Variants in RFTN1 observed in about 807,000 individuals in gnomAD.
RFTN1 encodes raftlin.
In RFTN1, 26 loss-of-function variants were observed where a neutral mutation model predicts 46.5. The observed-to-expected ratio is 0.56, with a 90% CI of 0.41 to 0.78. The LOEUF (loss-of-function observed/expected upper bound fraction) is 0.78. RFTN1 is among the 30% of genes least tolerant of loss of function. The pLI, the probability that RFTN1 is intolerant of heterozygous loss-of-function variation, is 0.00. For missense variants in RFTN1, 693 were observed against 718.7 expected (o/e 0.96, Z 0.41); for synonymous variants, 261 against 284.2 (o/e 0.92, Z 0.82).
Position 16,479,377 on chromosome 3 carries a change from G to A in RFTN1, c.145+14348C>T, listed in dbSNP as rs1668629139. On this transcript the variant is annotated intron_variant, in intron 2 of 9. Coordinates refer to ENST00000334133, the MANE Select transcript of RFTN1 (RefSeq NM_015150.2). The surrounding 1 kb of genome is among the most constrained non-coding windows in gnomAD (Gnocchi z 5.1). ...TAAGAAACTACTTATAGACATGAGAGTAAGTTTTTGTTTTCATTTACAGTC... is the reference window on the plus strand; with the variant it reads ...TAAGAAACTACTTATAGACATGAGAATAAGTTTTTGTTTTCATTTACAGTC... 6.6e-6 allele frequency among the ~76,000 whole-genome samples: 1 copy of A among 152,208 alleles called. No individual in the cohort carries two copies. Among genetic ancestry groups the A allele is most frequent in the Non-Finnish European group, 1.5e-5 (1 of 68,044 alleles).
chr3:16,476,547 AAAG>A (rs1189470658), intron 2 of RFTN1, among the ~76,000 whole-genome samples: 7 of 152,190 alleles, frequency 4.6e-5, no homozygotes, highest in Non-Finnish European at 1.0e-4. Flanking sequence ...CAAGGTGGTA[AAAG>A]AAGGCCTCTC....
intron 4 of RFTN1, among the ~76,000 whole-genome samples, chr3:16,393,113 A>G (rs1192256335): frequency 1.3e-5 from 2 of 152,176 alleles, no homozygotes; most frequent in Non-Finnish European, 2.9e-5. Context: ...ATAAGTAAAA[A>G]CAGTAACGTG....
chr3:16,344,294 C>CA lies in RFTN1; in HGVS notation c.1146+13637dup, dbSNP rs2125297999. On this transcript the variant is annotated intron_variant, in intron 7 of 9. Coordinates refer to ENST00000334133, the MANE Select transcript of RFTN1 (RefSeq NM_015150.2). The surrounding 1 kb of genome is among the most constrained non-coding windows in gnomAD (Gnocchi z 4.4). ...GTTTAAGAAGTCAGGGAAACCTACT[C>CA]AAAAAAGAAAGTGGATTAGATCAGT... is the stretch of plus-strand genomic sequence containing the variant. 6.7e-6 allele frequency among the ~76,000 whole-genome samples: 1 copy of CA among 149,656 alleles called. No homozygotes were observed. Among genetic ancestry groups the CA allele is most frequent in the Non-Finnish European group, 1.5e-5 (1 of 67,602 alleles).
intron 4 of RFTN1, among the ~76,000 whole-genome samples, chr3:16,398,761 C>G (rs1159073719): frequency 6.6e-6 from 1 of 152,172 alleles, no homozygotes; most frequent in African/African-American, 2.4e-5. Flanking sequence ...CCCTGGGTGG[C>G]TGGAAAGTCA....
At position 16,449,402 on chromosome 3, in the gene RFTN1, T is replaced by C. The variant is rs994820192; in HGVS notation, c.146-15365A>G. ...CATATGACTTTGGGTGAATTACGAA[T>C]GCTTATGGGCCTCAATTTTTGTCTA... On this transcript the variant is annotated intron_variant, in intron 2 of 9. Coordinates refer to ENST00000334133, the MANE Select transcript of RFTN1 (RefSeq NM_015150.2). The surrounding 1 kb of genome is among the most constrained non-coding windows in gnomAD (Gnocchi z 5.1). Among the ~76,000 whole-genome samples, 3 of 152,182 alleles carry C rather than the reference T, an allele frequency of 2.0e-5. No individual in the cohort carries two copies. Among genetic ancestry groups the C allele is most frequent in the African/African-American group, 7.2e-5 (3 of 41,434 alleles).
chr3:16,486,554 C>G (rs968926982), intron 2 of RFTN1, among the ~76,000 whole-genome samples: 2 of 152,236 alleles, frequency 1.3e-5, no homozygotes, highest in Admixed American at 6.5e-5. Context: ...CTTCCACCCT[C>G]TTCTCCCATC....
At position 16,402,277 on chromosome 3, in the gene RFTN1, T is replaced by C. The variant is rs1015844914; in HGVS notation, c.441+7098A>G. Among the ~76,000 whole-genome samples, 27 of 152,322 alleles carry C rather than the reference T, an allele frequency of 1.8e-4. 1 individual carries two copies. Among genetic ancestry groups the C allele is most frequent in the Admixed American group, 1.8e-3 (27 of 15,300 alleles). ...AATGTATCCATTAACTCGACGCTTA[T>C]GTATTAAGTCCTGAAGACACAACAG... is the stretch of plus-strand genomic sequence containing the variant. On this transcript the variant is annotated intron_variant, in intron 4 of 9. Coordinates refer to ENST00000334133, the MANE Select transcript of RFTN1 (RefSeq NM_015150.2). This position sits in a 1 kb window ranked among gnomAD's most constrained non-coding sequence, Gnocchi z 4.5.
intron 6 of RFTN1, among the ~76,000 whole-genome samples, chr3:16,364,657 A>AAAAT (rs1034399443): frequency 6.6e-6 from 1 of 152,324 alleles, no homozygotes; most frequent in Non-Finnish European, 1.5e-5. Flanking sequence ...TATATGGGGC[A>AAAAT]AAATAAATAA....
chr3:16,374,486 T>C lies in RFTN1; in HGVS notation c.826+3232A>G, dbSNP rs2073665007. On this transcript the variant is annotated intron_variant, in intron 5 of 9. Transcript: ENST00000334133. The surrounding 1 kb of genome is among the most constrained non-coding windows in gnomAD (Gnocchi z 5.4). The stretch of plus-strand genomic sequence containing the variant: ...ACATCAGGAAAGCCCAACCCCCAGG[T>C]TTTGGCCATTCACAATGAGCTGGCA... Among the ~76,000 whole-genome samples the C allele has an allele frequency of 6.6e-6, 1 of 152,076 alleles. No individual in the cohort carries two copies. Among genetic ancestry groups the C allele is most frequent in the African/African-American group, 2.4e-5 (1 of 41,426 alleles).
chr3:16,451,676 T>G lies in RFTN1; in HGVS notation c.146-17639A>C, dbSNP rs2075825359. 6.6e-6 allele frequency among the ~76,000 whole-genome samples: 1 copy of G among 151,014 alleles called. No individual in the cohort carries two copies. The highest frequency in any genetic ancestry group is 2.4e-5 in the African/African-American group (1 of 40,984). On this transcript the variant is annotated intron_variant, in intron 2 of 9. Coordinates refer to ENST00000334133, the MANE Select transcript of RFTN1 (RefSeq NM_015150.2). This position sits in a 1 kb window ranked among gnomAD's most constrained non-coding sequence, Gnocchi z 4.2. ...TTTCATCTTCACTAAGCACATGTCA[T>G]GCACTGTGGCCATAACTTTTGCAGC...
rs899091171 is a variant in RFTN1, at chr3:16,429,218, T to C, written c.332+4633A>G. Among the ~76,000 whole-genome samples, 3 of 152,178 alleles carry C rather than the reference T, an allele frequency of 2.0e-5. No homozygotes were observed. Among genetic ancestry groups the C allele is most frequent in the Non-Finnish European group, 4.4e-5 (3 of 68,024 alleles). On this transcript the variant is annotated intron_variant, in intron 3 of 9. Coordinates refer to ENST00000334133, the MANE Select transcript of RFTN1 (RefSeq NM_015150.2). This position sits in a 1 kb window ranked among gnomAD's most constrained non-coding sequence, Gnocchi z 6.4. ...TTTCAGAAGAAAAGATCAGGTAATT[T>C]TTCAGGGATGTAAGTGAAATCTGTC...
At position 16,344,952 on chromosome 3, in the gene RFTN1, G is replaced by C. The variant is rs189346268; in HGVS notation, c.1146+12980C>G. On this transcript the variant is annotated intron_variant, in intron 7 of 9. Coordinates refer to ENST00000334133, the MANE Select transcript of RFTN1 (RefSeq NM_015150.2). This position sits in a 1 kb window ranked among gnomAD's most constrained non-coding sequence, Gnocchi z 4.4. ...ACCATTTGCCCTCTCTTCATCTGTGGCTCTCAAACTATGCATTTTAAGCTC... is the reference window on the plus strand; with the variant it reads ...ACCATTTGCCCTCTCTTCATCTGTGCCTCTCAAACTATGCATTTTAAGCTC... Among the ~76,000 whole-genome samples the C allele has an allele frequency of 1.3e-5, 2 of 152,252 alleles. No homozygotes were observed. Among genetic ancestry groups the C allele is most frequent in the Admixed American group, 1.3e-4 (2 of 15,306 alleles).
intron 4 of RFTN1, among the ~76,000 whole-genome samples, chr3:16,403,149 G>A (rs557810949): frequency 4.1e-4 from 62 of 152,256 alleles, no homozygotes; most frequent in African/African-American, 9.4e-4. Context: ...CCCAACACGC[G>A]TTATGGCCAT....
chr3:16,363,760 T>G (rs1298212441), intron 6 of RFTN1, among the ~76,000 whole-genome samples: 1 of 152,056 alleles, frequency 6.6e-6, no homozygotes, highest in African/African-American at 2.4e-5. Context: ...TTGTCCACCC[T>G]GGACTAGCTG....
In RFTN1 at chr3:16,463,821, T is replaced by G. The variant is rs562898135; in HGVS notation, c.146-29784A>C. ...TATCTTCCTCAAGAGATGGCTCTCC[T>G]TTCTTCTGTCAGGAAAATAGAGTTG... On this transcript the variant is annotated intron_variant, in intron 2 of 9. Transcript: ENST00000334133. 2.0e-5 allele frequency among the ~76,000 whole-genome samples: 3 copies of G among 152,318 alleles called. No homozygotes were observed. The South Asian group carries it at 6.2e-4, about 32-fold the overall frequency.
rs1371430539 is a variant in RFTN1, at chr3:16,509,871, T to G, written c.-9+3571A>C. ...AGGAGGGAACAGTCCCCAAACACAG[T>G]GCAATGTCTCAAGACTGAGCTGTCT... On this transcript the variant is annotated intron_variant, in intron 1 of 9. Transcript: ENST00000334133. The surrounding 1 kb of genome is among the most constrained non-coding windows in gnomAD (Gnocchi z 4.9). 6.6e-6 allele frequency among the ~76,000 whole-genome samples: 1 copy of G among 152,066 alleles called. No individual in the cohort carries two copies.
intron 2 of RFTN1, chr3:16,482,653 A>G (rs2124972776): frequency 2.8e-6 from 3 of 1,087,164 alleles, no homozygotes; most frequent in Non-Finnish European, 2.7e-6. Flanking sequence ...TGTAAAATCA[A>G]GATCTCTATA....
In RFTN1 at chr3:16,440,705, G is replaced by T. The variant is rs187638856; in HGVS notation, c.146-6668C>A. Among the ~76,000 whole-genome samples, 702 of 152,234 alleles carry T rather than the reference G, an allele frequency of 4.6e-3. 8 individuals carry two copies. The highest frequency in any genetic ancestry group is 0.015 in the African/African-American group (631 of 41,518). On this transcript the variant is annotated intron_variant, in intron 2 of 9. Coordinates refer to ENST00000334133, the MANE Select transcript of RFTN1 (RefSeq NM_015150.2). This position sits in a 1 kb window ranked among gnomAD's most constrained non-coding sequence, Gnocchi z 4.6. ...CTGCTAATGGGGGGGGGGCCCAATG[G>T]TGCCAGAACTTCTAACTCTTACTTT...
chr3:16,488,868 C>G (rs1355273347), intron 2 of RFTN1, among the ~76,000 whole-genome samples: 1 of 152,152 alleles, frequency 6.6e-6, no homozygotes, highest in African/African-American at 2.4e-5. Context: ...AGAAGCCACA[C>G]AAAGATGAAT....
Sources: gnomAD v4.1 joint callset for allele counts (sites outside exome capture counted in the v4.1 genomes callset) on GRCh38, gnomAD v4.1.1 for gene constraint, Gnocchi (gnomAD v3.1) non-coding constraint, MANE v1.5 for transcripts, NCBI Gene and HGNC (gene_info 2026-07-23, HGNC 2026-07-21) for gene names.